The following MOSMO variants were observed in gnomAD, a reference collection of about 807,000 sequenced individuals.
MOSMO encodes modulator of smoothened, also known as modulator of smoothened protein.
Under a neutral mutation model 18.4 loss-of-function variants are expected in MOSMO, and 5 were observed. The ratio of observed to expected loss-of-function variants is 0.27; its 90% CI spans 0.14 to 0.57. MOSMO has a LOEUF of 0.57. Ranked by LOEUF, MOSMO falls within the 20% of genes least tolerant of loss-of-function variation. The pLI is 0.92. For synonymous variants in MOSMO, 82 were observed against 82.3 expected, an observed-to-expected ratio of 1.00 and a Z score of 0.02; for missense variants, 138 against 211.8, an observed-to-expected ratio of 0.65 and a Z score of 2.16.
chr16:22,019,901 G>A (rs907432104), intron 1 of MOSMO, among the ~76,000 whole-genome samples: 3 of 152,004 alleles, frequency 2.0e-5, no homozygotes, highest in Non-Finnish European at 4.4e-5. Context: ...TAGAATTCAG[G>A]CTTCTTTTTT....
At chr16:22,060,595 G>T (rs539994394) in intron 1 of MOSMO, among the ~76,000 whole-genome samples, 1 of 152,114 alleles carries the variant, frequency 6.6e-6, no homozygotes, top group African/African-American at 2.4e-5. Context: ...ACAGCTGGCC[G>T]GGCACGGTGG....
At chr16:22,028,715 TTC>T (rs1899929747) in intron 1 of MOSMO, among the ~76,000 whole-genome samples, 1 of 152,216 alleles carries the variant, frequency 6.6e-6, no homozygotes, top group Non-Finnish European at 1.5e-5. Flanking sequence ...TCTTTAATTT[TTC>T]TCTTTCTACA....
chr16:22,030,934 A>G (rs935218442), intron 1 of MOSMO, among the ~76,000 whole-genome samples: 4 of 152,184 alleles, frequency 2.6e-5, no homozygotes, highest in African/African-American at 9.6e-5. Flanking sequence ...AGTATGTTTT[A>G]CCTTCTCTAG....
intron 2 of MOSMO, among the ~76,000 whole-genome samples, chr16:22,077,785 C>T (rs1291337559): frequency 1.3e-5 from 2 of 151,872 alleles, no homozygotes; most frequent in Non-Finnish European, 2.9e-5. Flanking sequence ...TGAGAACCTC[C>T]CTGGTGCATG....
chr16:22,052,946 AT>A (rs1900455269), intron 1 of MOSMO, among the ~76,000 whole-genome samples: 2 of 148,816 alleles, frequency 1.3e-5, no homozygotes, highest in African/African-American at 4.9e-5. Flanking sequence ...ATATTCTCTC[AT>A]CTTCTTTTTT....
chr16:22,056,664 A>C (rs551245589), intron 1 of MOSMO, among the ~76,000 whole-genome samples: 9 of 152,048 alleles, frequency 5.9e-5, no homozygotes, highest in African/African-American at 2.2e-4. Context: ...GATTACAGGC[A>C]TGAGCCACTG....
At chr16:22,010,359 G>A (rs565812186) in intron 1 of MOSMO, among the ~76,000 whole-genome samples, 54 of 152,284 alleles carry the variant, frequency 3.5e-4, no homozygotes, top group Non-Finnish European at 6.6e-4. Flanking sequence ...ACGGTTACAT[G>A]TATGACATCC....
In MOSMO at chr16:22,008,425, C is replaced by T; in HGVS notation, c.106+18C>T. ...GTCTGCGGGTGAGCCGCTGGCGCGCCGGGCCGGGCGGGGGATTGGCTGAGG... is the reference window on the plus strand; with the variant it reads ...GTCTGCGGGTGAGCCGCTGGCGCGCTGGGCCGGGCGGGGGATTGGCTGAGG... On this transcript the variant is annotated intron_variant, in intron 1 of 2. Transcript: ENST00000542527. 1 of 1,510,348 alleles carries T rather than the reference C, an allele frequency of 6.6e-7. No homozygotes were observed. Among genetic ancestry groups the T allele is most frequent in the Non-Finnish European group, 8.9e-7 (1 of 1,125,950 alleles). The allele number at this position is 1,510,348 out of a possible 1,614,324, so 93.6% of individuals were successfully genotyped here. A position where few individuals can be genotyped will look rare whatever the true frequency, so the allele number is the denominator to read the frequency against.
At chr16:22,061,857 T>C (rs1900651155) in intron 1 of MOSMO, among the ~76,000 whole-genome samples, 1 of 152,222 alleles carries the variant, frequency 6.6e-6, no homozygotes, top group Non-Finnish European at 1.5e-5. Flanking sequence ...GCTTAGGTAG[T>C]GTTTTCAGAA....
intron 1 of MOSMO, among the ~76,000 whole-genome samples, chr16:22,019,234 T>C (rs755816437): frequency 6.6e-6 from 1 of 152,204 alleles, no homozygotes; most frequent in Non-Finnish European, 1.5e-5. Flanking sequence ...TTTCTGGCCT[T>C]AGATCCTGCT....
intron 2 of MOSMO, among the ~76,000 whole-genome samples, chr16:22,080,290 A>G (rs910144838): frequency 2.6e-5 from 4 of 152,232 alleles, no homozygotes; most frequent in African/African-American, 9.6e-5. Flanking sequence ...TCCTTCTAGT[A>G]TTTCCCCCAT....
chr16:22,046,105 G>A (rs1248541657), intron 1 of MOSMO, among the ~76,000 whole-genome samples: 1 of 145,804 alleles, frequency 6.9e-6, no homozygotes, highest in Admixed American at 7.4e-5. Flanking sequence ...TCAATTCCTG[G>A]CCATATCATC....
chr16:22,012,226 C>T (rs528176224), intron 1 of MOSMO, among the ~76,000 whole-genome samples: 5 of 152,294 alleles, frequency 3.3e-5, no homozygotes, highest in East Asian at 1.9e-4. Context: ...TTGAAAACCA[C>T]GGCAGTGAAC....
At chr16:22,033,170 C>T (rs1414259443) in intron 1 of MOSMO, among the ~76,000 whole-genome samples, 1 of 152,082 alleles carries the variant, frequency 6.6e-6, no homozygotes, top group Non-Finnish European at 1.5e-5. Flanking sequence ...TTCTGAGTCC[C>T]TTGCATTTCC....
intron 1 of MOSMO, chr16:22,064,266 C>A: frequency 2.2e-6 from 1 of 455,708 alleles, no homozygotes; most frequent in Non-Finnish European, 4.4e-6. Flanking sequence ...AATACTTTTA[C>A]AGATAATTCC....
Position 22,083,542 on chromosome 16 carries a change from AAAG to A in MOSMO, c.*2663_*2665del, listed in dbSNP as rs1428463688. 5.8e-6 allele frequency: 2 copies of A among 343,562 alleles called. No homozygotes were observed. Among genetic ancestry groups the A allele is most frequent in the Non-Finnish European group, 1.1e-5 (2 of 181,370 alleles). The allele number at this position is 343,562 out of a possible 1,614,324, so 21.3% of individuals were successfully genotyped here. ...ACAACTGTCCGCAGTTGCTTTTAAAAAAGGTCACTATAATAAGTACTATATAGT... is the reference window on the plus strand; with the variant it reads ...ACAACTGTCCGCAGTTGCTTTTAAAAGTCACTATAATAAGTACTATATAGT... On this transcript the variant is annotated 3_prime_UTR_variant, in exon 3 of 3. Transcript: ENST00000542527.
chr16:22,025,717 A>G (rs1899861987), intron 1 of MOSMO, among the ~76,000 whole-genome samples: 1 of 152,234 alleles, frequency 6.6e-6, no homozygotes, highest in African/African-American at 2.4e-5. Context: ...CTTAGTAGGT[A>G]ACAAACCCCC....
chr16:22,012,259 T>A (rs1352295936), intron 1 of MOSMO, among the ~76,000 whole-genome samples: 1 of 152,160 alleles, frequency 6.6e-6, no homozygotes, highest in Non-Finnish European at 1.5e-5. Context: ...GTTTCAGAAT[T>A]CAAGTCTAGA....
chr16:22,008,816 C>A (rs867777403), intron 1 of MOSMO, among the ~76,000 whole-genome samples: 1 of 151,424 alleles, frequency 6.6e-6, no homozygotes, highest in South Asian at 2.1e-4. Flanking sequence ...AATTAGAAAC[C>A]AGGCGGAGAG....
Sources: gnomAD v4.1 joint callset for allele counts (sites outside exome capture counted in the v4.1 genomes callset) on GRCh38, gnomAD v4.1.1 for gene constraint, MANE v1.5 for transcripts, NCBI Gene and HGNC (gene_info 2026-07-23, HGNC 2026-07-21) for gene names.